HPSE2: variants seen among roughly 807,000 people sequenced by gnomAD.
The protein encoded by HPSE2 is heparanase 2 (inactive), also known as inactive heparanase-2.
In HPSE2, 38 loss-of-function variants were observed where a neutral mutation model predicts 60.5. The observed-to-expected ratio is 0.63, with a 90% CI of 0.48 to 0.82. The LOEUF is 0.82. Ranked by LOEUF, HPSE2 falls within the 40% of genes least tolerant of loss-of-function variation. The pLI is 0.00. For missense variants in HPSE2, 713 were observed against 740.4 expected, an observed-to-expected ratio of 0.96 and a Z score of 0.43; for synonymous variants, 295 against 293.2, an observed-to-expected ratio of 1.01 and a Z score of -0.06.
intron 2 of HPSE2, among the ~76,000 whole-genome samples, chr10:99,184,540 A>T (rs1203932540): frequency 2.3e-5 from 1 of 42,678 alleles, no homozygotes; most frequent in African/African-American, 3.8e-5. Context: ...AAAAAAAAAA[A>T]AAAAAAAAAA....
At chr10:98,504,727 T>C (rs1024786397) in intron 9 of HPSE2, among the ~76,000 whole-genome samples, 2 of 151,510 alleles carry the variant, frequency 1.3e-5, no homozygotes, top group African/African-American at 4.9e-5. Flanking sequence ...GAGGTGGAGC[T>C]TGCAGTGAGC....
intron 11 of HPSE2, among the ~76,000 whole-genome samples, chr10:98,469,546 C>T (rs1401754283): frequency 6.6e-6 from 1 of 152,172 alleles, no homozygotes; most frequent in Non-Finnish European, 1.5e-5. Context: ...TAAGAAAACA[C>T]TGAAATATGC....
intron 3 of HPSE2, among the ~76,000 whole-genome samples, chr10:98,770,075 T>C (rs1289076026): frequency 6.6e-6 from 1 of 152,184 alleles, no homozygotes; most frequent in Non-Finnish European, 1.5e-5. Flanking sequence ...TATCTCAAAG[T>C]TCCCAGAAAT....
intron 6 of HPSE2, 43 bp downstream of exon 6, chr10:98,693,857 C>G: frequency 7.2e-7 from 1 of 1,384,018 alleles, no homozygotes; most frequent in Non-Finnish European, 1.0e-6. Flanking sequence ...TTTCATTTCA[C>G]AGCAGCTGAT....
intron 3 of HPSE2, among the ~76,000 whole-genome samples, chr10:99,103,180 A>G (rs1248153251): frequency 1.2e-4 from 19 of 152,204 alleles, no homozygotes; most frequent in Admixed American, 8.5e-4. Context: ...TTAGGAAAAG[A>G]GGAAGTCAAA....
intron 6 of HPSE2, among the ~76,000 whole-genome samples, chr10:98,644,529 A>G (rs1223589506): frequency 6.6e-6 from 1 of 152,168 alleles, no homozygotes; most frequent in Middle Eastern, 3.2e-3. Flanking sequence ...GTTTGAAAAG[A>G]CCTTACTGGT....
intron 9 of HPSE2, among the ~76,000 whole-genome samples, chr10:98,586,680 A>G (rs1944949114): frequency 6.6e-6 from 1 of 152,226 alleles, no homozygotes; most frequent in Non-Finnish European, 1.5e-5. Context: ...AGTTGAGGAC[A>G]TACTCCAACA....
intron 2 of HPSE2, among the ~76,000 whole-genome samples, chr10:99,207,128 G>A (rs574725906): frequency 1.3e-5 from 2 of 152,180 alleles, no homozygotes; most frequent in East Asian, 3.9e-4. Context: ...AAAAATCAAA[G>A]ATTGAGAGAT....
At chr10:98,794,714 T>G (rs1950734824) in intron 3 of HPSE2, among the ~76,000 whole-genome samples, 1 of 152,164 alleles carries the variant, frequency 6.6e-6, no homozygotes, top group Admixed American at 6.5e-5. Context: ...ATAAAAAAGT[T>G]ATCCTTTTCA....
chr10:98,664,762 C>A (rs147712355), intron 6 of HPSE2, among the ~76,000 whole-genome samples: 1 of 152,124 alleles, frequency 6.6e-6, no homozygotes, highest in South Asian at 2.1e-4. Flanking sequence ...AGAGCCTTTG[C>A]CCTCTGAAAG....
chr10:98,562,758 T>G (rs1413571515), intron 9 of HPSE2, among the ~76,000 whole-genome samples: 1 of 151,680 alleles, frequency 6.6e-6, no homozygotes, highest in African/African-American at 2.4e-5. Context: ...ACTCTTTTTA[T>G]ACAATAGATA....
intron 3 of HPSE2, among the ~76,000 whole-genome samples, chr10:99,124,249 A>C (rs543285050): frequency 8.5e-5 from 13 of 152,260 alleles, no homozygotes; most frequent in African/African-American, 2.4e-5. Flanking sequence ...GAAGGGAGAA[A>C]GTGTGTACTG....
chr10:99,104,660 C>A (rs1199781792), intron 3 of HPSE2, among the ~76,000 whole-genome samples: 1 of 152,160 alleles, frequency 6.6e-6, no homozygotes, highest in Non-Finnish European at 1.5e-5. Context: ...TTGGAACCAA[C>A]CCAAATGTCC....
At chr10:98,789,132 C>T (rs182199331) in intron 3 of HPSE2, among the ~76,000 whole-genome samples, 9 of 152,202 alleles carry the variant, frequency 5.9e-5, no homozygotes, top group South Asian at 2.1e-4. Flanking sequence ...TGTTACAGCC[C>T]GGTGATACAG....
At chr10:98,841,209 G>A (rs1302290543) in intron 3 of HPSE2, among the ~76,000 whole-genome samples, 2 of 151,966 alleles carry the variant, frequency 1.3e-5, no homozygotes, top group East Asian at 3.9e-4. Flanking sequence ...AGTGAACCGA[G>A]ATCACACCAC....
intron 9 of HPSE2, among the ~76,000 whole-genome samples, chr10:98,561,742 C>G (rs1029580748): frequency 1.3e-5 from 2 of 152,006 alleles, no homozygotes; most frequent in African/African-American, 4.8e-5. Flanking sequence ...CAGCTACTTA[C>G]GAGGTTGAGG....
At chr10:98,732,900 T>C (rs930449275) in intron 4 of HPSE2, among the ~76,000 whole-genome samples, 2 of 152,048 alleles carry the variant, frequency 1.3e-5, no homozygotes, top group Admixed American at 6.6e-5. Context: ...CCAGAATATA[T>C]AAAGAACTCT....
intron 3 of HPSE2, among the ~76,000 whole-genome samples, chr10:99,021,320 A>G (rs564671125): frequency 6.6e-6 from 1 of 152,328 alleles, no homozygotes; most frequent in South Asian, 2.1e-4. Context: ...TAACACTGTA[A>G]AACAGCTAAA....
intron 3 of HPSE2, among the ~76,000 whole-genome samples, chr10:98,782,609 A>G (rs1267663553): frequency 2.5e-5 from 2 of 81,560 alleles, no homozygotes; most frequent in Admixed American, 1.2e-4. Context: ...AAGATTTTAC[A>G]TAAGTAGATG....
Sources: allele counts gnomAD v4.1 joint callset (sites outside exome capture counted in the v4.1 genomes callset), GRCh38; gene constraint gnomAD v4.1.1; transcripts MANE v1.5; gene names NCBI Gene and HGNC (gene_info 2026-07-23, HGNC 2026-07-21).